Variants in CLRN1 observed in about 807,000 individuals in gnomAD.
The protein encoded by CLRN1 is clarin-1.
In CLRN1, 15 loss-of-function variants were observed where a neutral mutation model predicts 18.7. The observed-to-expected ratio is 0.80, with a 90% CI of 0.54 to 1.23. The LOEUF is 1.23. CLRN1 is among the 50% of genes most tolerant of loss of function. CLRN1 has a pLI of 0.00. For synonymous variants in CLRN1, 104 were observed against 102.9 expected (o/e 1.01, Z -0.07); for missense variants, 311 against 277.5 (o/e 1.12, Z -0.86).
intron 1 of CLRN1, among the ~76,000 whole-genome samples, chr3:150,947,570 G>C (rs1714242848): frequency 6.6e-6 from 1 of 152,126 alleles, no homozygotes; most frequent in African/African-American, 2.4e-5. Context: ...GACCTCTACA[G>C]AACTCTGTAC....
intron 1 of CLRN1, among the ~76,000 whole-genome samples, chr3:150,954,984 C>T (rs959836485): frequency 5.3e-5 from 8 of 152,152 alleles, no homozygotes; most frequent in Non-Finnish European, 1.0e-4. Context: ...TTGCCAAAAA[C>T]TGGAAACAAC....
chr3:150,957,701 C>T (rs1180070311), intron 1 of CLRN1, among the ~76,000 whole-genome samples: 1 of 152,194 alleles, frequency 6.6e-6, no homozygotes, highest in Non-Finnish European at 1.5e-5. Context: ...CTCTGTCGCC[C>T]AGGCTGGAGT....
intron 2 of CLRN1, among the ~76,000 whole-genome samples, chr3:150,929,852 GT>G (rs1713046672): frequency 6.6e-6 from 1 of 152,150 alleles, no homozygotes; most frequent in Admixed American, 6.5e-5. Flanking sequence ...GTATTACAGT[GT>G]CTTTTTTTTC....
intron 1 of CLRN1, among the ~76,000 whole-genome samples, chr3:150,956,861 A>G (rs1425798214): frequency 6.6e-6 from 1 of 152,102 alleles, no homozygotes; most frequent in East Asian, 1.9e-4. Flanking sequence ...TTAAGGACCT[A>G]TCACACTCCA....
At chr3:150,940,542 C>T (rs765269734) in intron 2 of CLRN1, 34 of 1,532,980 alleles carry the variant, frequency 2.2e-5, no homozygotes, top group Non-Finnish European at 2.7e-5. Flanking sequence ...AAGAAACAGT[C>T]GAATAGAGAT....
chr3:150,944,078 T>C, intron 1 of CLRN1: 2 of 643,600 alleles, frequency 3.1e-6, no homozygotes, highest in South Asian at 3.6e-5. Context: ...GATCTCTGAG[T>C]GGATGGGCAT....
intron 1 of CLRN1, among the ~76,000 whole-genome samples, chr3:150,965,307 T>C (rs759163544): frequency 9.2e-5 from 14 of 152,092 alleles, no homozygotes; most frequent in Non-Finnish European, 1.5e-4. Context: ...CATGTAAGGG[T>C]TGTAGATAAT....
At chr3:150,972,407 G>C in intron 1 of CLRN1, 49 bp downstream of exon 1, 1 of 1,613,432 alleles carries the variant, frequency 6.2e-7, no homozygotes, top group Non-Finnish European at 8.5e-7. Context: ...GCAACACTGG[G>C]AAGAGTCTGC....
intron 1 of CLRN1, among the ~76,000 whole-genome samples, chr3:150,950,718 TCAA>T (rs1463183828): frequency 5.9e-5 from 9 of 152,200 alleles, no homozygotes; most frequent in Non-Finnish European, 1.0e-4. Flanking sequence ...GTAAATTAGT[TCAA>T]CCACTGTGGA....
chr3:150,931,741 A>G (rs917872686), intron 2 of CLRN1, among the ~76,000 whole-genome samples: 2 of 152,184 alleles, frequency 1.3e-5, no homozygotes, highest in Non-Finnish European at 2.9e-5. Context: ...AAACGGTAGG[A>G]TCAGTCCTAC....
chr3:150,928,478 A>C (rs1251447581), intron 2 of CLRN1, among the ~76,000 whole-genome samples: 3 of 152,234 alleles, frequency 2.0e-5, no homozygotes, highest in African/African-American at 4.8e-5. Flanking sequence ...CTGATCTTAC[A>C]AAGACTGGGA....
At chr3:150,955,914 A>T (rs1714715604) in intron 1 of CLRN1, among the ~76,000 whole-genome samples, 1 of 151,914 alleles carries the variant, frequency 6.6e-6, no homozygotes, top group Non-Finnish European at 1.5e-5. Flanking sequence ...AAAAAGCAAA[A>T]TTTTTCTTTA....
intron 1 of CLRN1, among the ~76,000 whole-genome samples, chr3:150,959,453 A>T (rs1714919354): frequency 1.3e-5 from 2 of 152,138 alleles, no homozygotes; most frequent in South Asian, 4.2e-4. Context: ...ACATGGTGAA[A>T]CCCCGTCTCT....
chr3:150,944,121 T>A, intron 1 of CLRN1: 1 of 502,948 alleles, frequency 2.0e-6, no homozygotes, highest in Non-Finnish European at 3.6e-6. Flanking sequence ...GACACCTGAA[T>A]GTTGAGAAGG....
intron 1 of CLRN1, chr3:150,943,736 C>CAACA (rs1418958106): frequency 6.2e-6 from 10 of 1,607,036 alleles, no homozygotes; most frequent in Non-Finnish European, 8.5e-6. Context: ...ACTGAGCTGA[C>CAACA]AACACACTGC....
chr3:150,943,939 G>A (rs1242751358), intron 1 of CLRN1: 1 of 1,598,944 alleles, frequency 6.3e-7, no homozygotes, highest in East Asian at 2.3e-5. Context: ...AGGGCAGGCT[G>A]AGTAAATGGG....
At chr3:150,934,884 C>A (rs1045543669) in intron 2 of CLRN1, among the ~76,000 whole-genome samples, 4 of 151,766 alleles carry the variant, frequency 2.6e-5, no homozygotes, top group African/African-American at 9.7e-5. Flanking sequence ...GCTTTTTCAC[C>A]CCCTTTTCCC....
chr3:150,959,028 A>T (rs1421505374), intron 1 of CLRN1, among the ~76,000 whole-genome samples: 3 of 152,230 alleles, frequency 2.0e-5, no homozygotes, highest in African/African-American at 4.8e-5. Context: ...CAAGAAACAC[A>T]TCTTTTTTGT....
rs183624104 is a variant in CLRN1, at chr3:150,939,664, C to T, written c.433+1918G>A. 5.3e-5 allele frequency among the ~76,000 whole-genome samples: 8 copies of T among 152,288 alleles called. No individual in the cohort carries two copies. The South Asian group carries it at 6.2e-4, about 12-fold the overall frequency. On this transcript the variant is annotated intron_variant, in intron 2 of 2. Transcript: ENST00000327047. ...TTATCAGGTTTCCAGATGATGCAGA[C>T]GCTGCTCATCTGGGAACTCCAGTTT...
Sources: gnomAD v4.1 joint callset for allele counts (sites outside exome capture counted in the v4.1 genomes callset) on GRCh38, gnomAD v4.1.1 for gene constraint, MANE v1.5 for transcripts, NCBI Gene and HGNC (gene_info 2026-07-23, HGNC 2026-07-21) for gene names.